Variants in LARP4B observed in about 807,000 individuals in gnomAD.
LARP4B encodes the protein la-related protein 4B.
A neutral mutation model predicts 89.8 loss-of-function variants in LARP4B; 12 were observed. The observed-to-expected ratio is 0.13, with a 90% CI of 0.09 to 0.22. The LOEUF (loss-of-function observed/expected upper bound fraction) is 0.22. Among genes scored for constraint, LARP4B ranks in the 10% least tolerant of loss-of-function variants. The probability of loss-of-function intolerance (pLI) is 1.00; values close to 1 mark genes in which losing one functional copy is unlikely to be tolerated. For synonymous variants in LARP4B, 367 were observed against 363.3 expected (o/e 1.01, Z -0.12); for missense variants, 757 against 947.7 (o/e 0.80, Z 2.64).
intron 14 of LARP4B, 29 bp from the exon 15 acceptor site, chr10:817,918 G>A (rs763238903): frequency 8.1e-6 from 13 of 1,597,010 alleles, no homozygotes; most frequent in African/African-American, 4.0e-5. Context: ...CCAGGGTCAC[G>A]GTATGGAGAG....
chr10:848,003 A>C (rs112743743), intron 5 of LARP4B, among the ~76,000 whole-genome samples: 3 of 152,220 alleles, frequency 2.0e-5, no homozygotes, highest in African/African-American at 7.2e-5. Context: ...CAGCAGGAGG[A>C]GCTCCAGAGA....
intron 1 of LARP4B, among the ~76,000 whole-genome samples, chr10:894,739 T>C (rs931202670): frequency 1.3e-5 from 2 of 152,210 alleles, no homozygotes; most frequent in African/African-American, 4.8e-5. Flanking sequence ...ATGTCTGGAA[T>C]TTGCTTTAGA....
chr10:924,941 G>A (rs1048361169), intron 1 of LARP4B, among the ~76,000 whole-genome samples: 1 of 152,158 alleles, frequency 6.6e-6, no homozygotes, highest in Non-Finnish European at 1.5e-5. Flanking sequence ...TCATACTGAG[G>A]AGCAAAATAT....
chr10:889,864 C>A (rs986614579), intron 1 of LARP4B, among the ~76,000 whole-genome samples: 7 of 152,152 alleles, frequency 4.6e-5, no homozygotes, highest in Admixed American at 1.3e-4. Context: ...ATCACTTGAA[C>A]CCATGAGGCA....
chr10:961,371 G>A, the LARP4B span, among the ~76,000 whole-genome samples: 17 of 152,290 alleles, frequency 1.1e-4, no homozygotes, highest in South Asian at 3.5e-3. Context: ...TGAGGCCTCG[G>A]GAAGGTCCAC....
At chr10:831,504 G>A (rs180904808) in intron 8 of LARP4B, among the ~76,000 whole-genome samples, 40 of 152,178 alleles carry the variant, frequency 2.6e-4, no homozygotes, top group Non-Finnish European at 4.7e-4. Context: ...GGGCCGCAGA[G>A]CCGGCAGGGT....
chr10:908,565 A>C (rs1283629294), intron 1 of LARP4B, among the ~76,000 whole-genome samples: 1 of 152,092 alleles, frequency 6.6e-6, no homozygotes, highest in Non-Finnish European at 1.5e-5. Flanking sequence ...CTCCAGGTAG[A>C]GTGTTGAGAC....
chr10:870,061 C>T (rs1835123195), intron 3 of LARP4B: 1 of 985,432 alleles, frequency 1.0e-6, no homozygotes. Flanking sequence ...CGTCCTCTGA[C>T]ACCGGTAGCT....
chr10:923,658 C>T (rs1182231208), intron 1 of LARP4B, among the ~76,000 whole-genome samples: 1 of 152,098 alleles, frequency 6.6e-6, no homozygotes, highest in East Asian at 1.9e-4. Flanking sequence ...ATGAAGCCAC[C>T]TTTAAAGAAA....
chr10:912,358 T>C (rs1184445621), intron 1 of LARP4B, among the ~76,000 whole-genome samples: 1 of 152,148 alleles, frequency 6.6e-6, no homozygotes, highest in East Asian at 1.9e-4. Flanking sequence ...TAAGAACATT[T>C]ACAAATTTGT....
chr10:875,747 G>T (rs936086380), intron 3 of LARP4B, among the ~76,000 whole-genome samples: 9 of 152,150 alleles, frequency 5.9e-5, no homozygotes, highest in East Asian at 3.9e-4. Context: ...GCAGAGCCTG[G>T]TGTCCTTATC....
At chr10:913,086 A>G (rs1422703743) in intron 1 of LARP4B, among the ~76,000 whole-genome samples, 3 of 152,148 alleles carry the variant, frequency 2.0e-5, no homozygotes, top group Non-Finnish European at 4.4e-5. Context: ...TCAACAAATA[A>G]TAGTGTTTAG....
intron 5 of LARP4B, among the ~76,000 whole-genome samples, chr10:845,471 T>C (rs1046839131): frequency 6.6e-6 from 1 of 152,210 alleles, no homozygotes; most frequent in African/African-American, 2.4e-5. Context: ...AAACCAAGGC[T>C]GGAGATCAAA....
rs1264138086 is a variant in LARP4B, at chr10:811,517, G to C, written c.*1409C>G. ...TTACTCAGTAAAACTAGCGACAGGA[G>C]ATCCACGCAGTAACTGAGTAACTCT... On this transcript the variant is annotated 3_prime_UTR_variant, in exon 18 of 18. Coordinates refer to ENST00000316157, the MANE Select transcript of LARP4B (RefSeq NM_015155.3). 1 of 152,624 alleles carries C rather than the reference G, an allele frequency of 6.6e-6. No homozygotes were observed. Among genetic ancestry groups the C allele is most frequent in the Non-Finnish European group, 1.5e-5 (1 of 68,032 alleles). The allele number at this position is 152,624 out of a possible 1,614,324, so 9.5% of individuals were successfully genotyped here. A position where few individuals can be genotyped will look rare whatever the true frequency, so the allele number is the denominator to read the frequency against.
chr10:979,336 C>T, the LARP4B span, among the ~76,000 whole-genome samples: 2 of 152,212 alleles, frequency 1.3e-5, no homozygotes, highest in African/African-American at 2.4e-5. Flanking sequence ...CTGCTCTATG[C>T]CCCTGGAAGT....
intron 5 of LARP4B, among the ~76,000 whole-genome samples, chr10:851,180 C>CTT (rs144483000): frequency 8.1e-4 from 106 of 131,556 alleles, no homozygotes; most frequent in African/African-American, 2.1e-3. Flanking sequence ...AAAACACTAA[C>CTT]TTTTTTTTTT....
intron 3 of LARP4B, among the ~76,000 whole-genome samples, chr10:883,244 G>A (rs962342686): frequency 1.1e-4 from 16 of 152,224 alleles, no homozygotes; most frequent in African/African-American, 3.9e-4. Flanking sequence ...GGGCACGGTG[G>A]CTCATGCCTG....
At chr10:955,447 G>T in the LARP4B span, among the ~76,000 whole-genome samples, 1 of 152,336 alleles carries the variant, frequency 6.6e-6, no homozygotes, top group Middle Eastern at 3.4e-3. This position sits in a 1 kb window ranked among gnomAD's most constrained non-coding sequence, Gnocchi z 5.2. Flanking sequence ...GCACTTCTGT[G>T]CTTCCTGAGA....
chr10:844,954 A>C, intron 6 of LARP4B, 23 bp downstream of exon 6: 6 of 1,575,634 alleles, frequency 3.8e-6, no homozygotes, highest in Non-Finnish European at 4.3e-6. Context: ...ATCAGGTACT[A>C]GAAAAACCAC....
Sources: gnomAD v4.1 joint callset for allele counts (sites outside exome capture counted in the v4.1 genomes callset) on GRCh38, gnomAD v4.1.1 for gene constraint, Gnocchi (gnomAD v3.1) non-coding constraint, MANE v1.5 for transcripts, NCBI Gene and HGNC (gene_info 2026-07-23, HGNC 2026-07-21) for gene names.